Variants in ROBO1 observed in about 807,000 individuals in gnomAD.
The protein encoded by ROBO1 is roundabout guidance receptor 1, also known as roundabout homolog 1.
In ROBO1, 149 loss-of-function variants were observed where a neutral mutation model predicts 195.9. The observed-to-expected ratio is 0.76, with a 90% CI of 0.67 to 0.87. The LOEUF (loss-of-function observed/expected upper bound fraction) is 0.87. Ranked by LOEUF, ROBO1 falls within the 40% of genes least tolerant of loss-of-function variation. The pLI, the probability that ROBO1 is intolerant of heterozygous loss-of-function variation, is 0.00. For synonymous variants in ROBO1, 816 were observed against 733.2 expected, an observed-to-expected ratio of 1.11 and a Z score of -1.82; for missense variants, 1,933 against 2,068.3, an observed-to-expected ratio of 0.93 and a Z score of 1.27.
chr3:78,903,824 G>A (rs2037733191), intron 4 of ROBO1, among the ~76,000 whole-genome samples: 1 of 151,772 alleles, frequency 6.6e-6, no homozygotes, highest in African/African-American at 2.4e-5. Context: ...AAATCTCTTA[G>A]GCTGCATAAT....
At chr3:78,939,511 G>A (rs1311270471) in intron 3 of ROBO1, among the ~76,000 whole-genome samples, 2 of 151,130 alleles carry the variant, frequency 1.3e-5, no homozygotes, top group African/African-American at 2.4e-5. Flanking sequence ...CCAGCTACTC[G>A]GGAGGCTGAG....
chr3:78,675,350 G>A (rs910954773), intron 10 of ROBO1, among the ~76,000 whole-genome samples: 4 of 152,118 alleles, frequency 2.6e-5, no homozygotes, highest in Admixed American at 6.5e-5. Flanking sequence ...TTCGCGAGCC[G>A]AAGCAGGGCG....
intron 1 of ROBO1, among the ~76,000 whole-genome samples, chr3:79,609,658 T>C (rs1448988091): frequency 1.3e-5 from 2 of 151,694 alleles, no homozygotes; most frequent in East Asian, 1.9e-4. Context: ...TACAATGGAG[T>C]ATCGTTCAGC....
intron 5 of ROBO1, among the ~76,000 whole-genome samples, chr3:78,718,636 T>A (rs1285393488): frequency 6.6e-6 from 1 of 152,068 alleles, no homozygotes; most frequent in East Asian, 1.9e-4. Flanking sequence ...CTATCCTTAA[T>A]TTAACACGCT....
chr3:78,944,695 G>A (rs756586475), intron 3 of ROBO1, among the ~76,000 whole-genome samples: 4 of 152,232 alleles, frequency 2.6e-5, no homozygotes, highest in Non-Finnish European at 5.9e-5. Context: ...CACCGTGTGC[G>A]AGTCAAACCA....
At chr3:78,868,799 G>A (rs948264807) in intron 4 of ROBO1, among the ~76,000 whole-genome samples, 1 of 152,140 alleles carries the variant, frequency 6.6e-6, no homozygotes, top group African/African-American at 2.4e-5. Context: ...TTCTCAGCCT[G>A]AGCTAGTGAA....
chr3:78,630,020 G>T (rs1184099913), intron 25 of ROBO1, among the ~76,000 whole-genome samples: 1 of 152,170 alleles, frequency 6.6e-6, no homozygotes, highest in Non-Finnish European at 1.5e-5. Flanking sequence ...GTGCTGAAGG[G>T]CTTGTTAGTG....
At chr3:78,831,900 C>G (rs540936551) in intron 4 of ROBO1, among the ~76,000 whole-genome samples, 6 of 152,208 alleles carry the variant, frequency 3.9e-5, no homozygotes, top group African/African-American at 1.4e-4. Context: ...ACAGGAAAGA[C>G]CCGTCCCCAT....
At chr3:78,622,620 C>T (rs1205208111) in intron 26 of ROBO1, among the ~76,000 whole-genome samples, 2 of 152,178 alleles carry the variant, frequency 1.3e-5, no homozygotes, top group African/African-American at 4.8e-5. Context: ...GCCATTCTCC[C>T]ATCAAGAGAG....
chr3:79,700,506 T>G (rs779730843), intron 1 of ROBO1, among the ~76,000 whole-genome samples: 1 of 151,788 alleles, frequency 6.6e-6, no homozygotes, highest in Non-Finnish European at 1.5e-5. Context: ...AATGTAAAAG[T>G]GTTCACTTTA....
chr3:79,597,441 C>T (rs113810885), intron 1 of ROBO1, among the ~76,000 whole-genome samples: 106 of 151,964 alleles, frequency 7.0e-4, no homozygotes, highest in Non-Finnish European at 1.2e-3. Context: ...ATGGCATACA[C>T]ATAAAAATAG....
At chr3:78,627,172 A>T (rs541105107) in intron 26 of ROBO1, 149 bp downstream of exon 26, 1 of 802,894 alleles carries the variant, frequency 1.2e-6, no homozygotes, top group South Asian at 1.9e-5. Context: ...ATGACTTCAT[A>T]TGTTAATTGC....
At chr3:79,467,105 G>A (rs187445200) in intron 2 of ROBO1, among the ~76,000 whole-genome samples, 1 of 152,250 alleles carries the variant, frequency 6.6e-6, no homozygotes, top group African/African-American at 2.4e-5. Context: ...GCTCTTTGTA[G>A]GGAAGTTAGA....
intron 26 of ROBO1, among the ~76,000 whole-genome samples, chr3:78,626,819 T>C (rs1704819954): frequency 2.0e-5 from 3 of 151,906 alleles, no homozygotes; most frequent in African/African-American, 4.8e-5. Context: ...TCAAAACTCA[T>C]ATCTAAATCA....
chr3:78,747,252 C>T (rs1034199452), intron 4 of ROBO1, among the ~76,000 whole-genome samples: 10 of 152,016 alleles, frequency 6.6e-5, no homozygotes, highest in African/African-American at 2.4e-4. Flanking sequence ...ACTGAATCCT[C>T]CTTTTATCTA....
intron 2 of ROBO1, among the ~76,000 whole-genome samples, chr3:79,312,573 C>T (rs2033537894): frequency 6.6e-6 from 1 of 152,160 alleles, no homozygotes; most frequent in Admixed American, 6.6e-5. Flanking sequence ...TTACCCCAAG[C>T]TTCTTCATGT....
chr3:78,728,933 A>G (rs2082225036), intron 5 of ROBO1, among the ~76,000 whole-genome samples: 4 of 152,224 alleles, frequency 2.6e-5, no homozygotes, highest in Admixed American at 2.6e-4. Flanking sequence ...GAAAACCAAC[A>G]TGAATTCAGC....
chr3:79,285,028 C>T (rs2031798764), intron 2 of ROBO1, among the ~76,000 whole-genome samples: 1 of 152,088 alleles, frequency 6.6e-6, no homozygotes, highest in South Asian at 2.1e-4. Context: ...TACCTATAAA[C>T]TAGTTTCTGT....
At chr3:79,069,948 A>G (rs2079059806) in intron 3 of ROBO1, among the ~76,000 whole-genome samples, 1 of 151,200 alleles carries the variant, frequency 6.6e-6, no homozygotes, top group South Asian at 2.1e-4. Context: ...TCCCTTTCTT[A>G]ATCTTTTATT....
Sources: allele counts gnomAD v4.1 joint callset (sites outside exome capture counted in the v4.1 genomes callset), GRCh38; gene constraint gnomAD v4.1.1; transcripts MANE v1.5; gene names NCBI Gene and HGNC (gene_info 2026-07-23, HGNC 2026-07-21).